Variants in BRF1 observed in about 807,000 individuals in gnomAD.
The protein encoded by BRF1 is transcription factor IIIB 90 kDa subunit.
Under a neutral mutation model 81.7 loss-of-function variants are expected in BRF1, and 59 were observed. The ratio of observed to expected loss-of-function variants is 0.72; its 90% CI spans 0.59 to 0.90. The LOEUF is 0.90. Ranked by LOEUF, BRF1 falls within the 40% of genes least tolerant of loss-of-function variation. The probability of loss-of-function intolerance (pLI) is 0.00; values close to 1 mark genes in which losing one functional copy is unlikely to be tolerated. For missense variants in BRF1, 1,050 were observed against 936.3 expected, an observed-to-expected ratio of 1.12 and a Z score of -1.58; for synonymous variants, 491 against 395.6, an observed-to-expected ratio of 1.24 and a Z score of -2.86.
rs587724399 is a variant in BRF1 at position 105,263,840 on chromosome 14, G to C, written c.440-7291C>G. Among the ~76,000 whole-genome samples, 39 of 151,796 alleles carry C rather than the reference G, an allele frequency of 2.6e-4. No homozygotes were observed. In the South Asian group the frequency reaches 3.7e-3, roughly 15 times the overall value. ...CTTGGGAGACTGAGGCAGGAGAATG[G>C]CATGAACCTGGGAGGCGGAGCTTGC... On this transcript the variant is annotated intron_variant, in intron 3 of 17. Coordinates refer to ENST00000547530, the MANE Select transcript of BRF1 (RefSeq NM_001519.4).
At chr14:105,215,199 TGA>T (rs1055706387) in intron 15 of BRF1, among the ~76,000 whole-genome samples, 6 of 150,386 alleles carry the variant, frequency 4.0e-5, no homozygotes, top group Non-Finnish European at 8.9e-5. Context: ...TGCACACAGT[TGA>T]GAGACTTAAG....
intron 1 of BRF1, among the ~76,000 whole-genome samples, chr14:105,287,514 G>A (rs1481193093): frequency 2.0e-5 from 3 of 152,212 alleles, no homozygotes; most frequent in Non-Finnish European, 2.9e-5. Context: ...ATCGGGACGC[G>A]CAGACAACCT....
chr14:105,283,081 C>A (rs1011304205), intron 2 of BRF1, among the ~76,000 whole-genome samples: 1 of 152,226 alleles, frequency 6.6e-6, no homozygotes, highest in African/African-American at 2.4e-5. Flanking sequence ...ACGTTAGGAT[C>A]TGCCTCACAG....
intron 5 of BRF1, among the ~76,000 whole-genome samples, chr14:105,251,349 A>G (rs909681518): frequency 3.9e-5 from 6 of 152,166 alleles, no homozygotes; most frequent in African/African-American, 1.2e-4. Context: ...GTCCTACCCT[A>G]TGAACAGACT....
At position 105,271,485 on chromosome 14, in the gene BRF1, A is replaced by C. The variant is rs1423923350; in HGVS notation, c.439+1236T>G. 6.6e-6 allele frequency among the ~76,000 whole-genome samples: 1 copy of C among 152,192 alleles called. No homozygotes were observed. Among genetic ancestry groups the C allele is most frequent in the Non-Finnish European group, 1.5e-5 (1 of 68,032 alleles). On this transcript the variant is annotated intron_variant, in intron 3 of 17. Coordinates refer to ENST00000547530, the MANE Select transcript of BRF1 (RefSeq NM_001519.4). The surrounding 1 kb of genome is among the most constrained non-coding windows in gnomAD (Gnocchi z 5.5). ...ACGCCACGCCCACCAGACACAGGGC[A>C]GGGAGGGGGACCACCTTCAGAGGGG...
At chr14:105,313,862 G>A (rs1303111482) in intron 1 of BRF1, among the ~76,000 whole-genome samples, 1 of 152,234 alleles carries the variant, frequency 6.6e-6, no homozygotes, top group Non-Finnish European at 1.5e-5. Flanking sequence ...CACCCTCCCT[G>A]AGCCCCAGAG....
rs1170606476 is a variant in BRF1 at position 105,248,555 on chromosome 14, CGGCGGGTACGGGCTCGGGCGGGCG to C, written c.544+3928_544+3951del. 25 of 485,364 alleles carry C rather than the reference CGGCGGGTACGGGCTCGGGCGGGCG, an allele frequency of 5.2e-5. No individual in the cohort carries two copies. The East Asian group carries it at 6.8e-4, about 13-fold the overall frequency. The allele number at this position is 485,364 out of a possible 1,614,324, so 30.1% of individuals were successfully genotyped here. On this transcript the variant is annotated intron_variant, in intron 5 of 17. Transcript: ENST00000547530. Reference sequence around the variant, plus strand: ...GACGCAGCGTGACGCACCGGCGCCGCGGCGGGTACGGGCTCGGGCGGGCGGGCGGGCGGGACGGCGCCCCCCGCG... The same window carrying C: ...GACGCAGCGTGACGCACCGGCGCCGCGGCGGGCGGGACGGCGCCCCCCGCG...
intron 5 of BRF1, chr14:105,247,200 CCA>C (rs886967125): frequency 3.0e-6 from 3 of 985,330 alleles, no homozygotes; most frequent in African/African-American, 3.5e-5. Flanking sequence ...GCGGGTGCAT[CCA>C]CACACTTTCT....
intron 2 of BRF1, among the ~76,000 whole-genome samples, chr14:105,280,971 A>G (rs1239826435): frequency 7.4e-6 from 1 of 135,292 alleles, no homozygotes; most frequent in Non-Finnish European, 1.6e-5. Flanking sequence ...GTGTGTGGAC[A>G]GAGCCTGCGT....
At chr14:105,218,968 A>G (rs900625794) in intron 14 of BRF1, 30 bp downstream of exon 14, 10 of 1,613,482 alleles carry the variant, frequency 6.2e-6, no homozygotes, top group South Asian at 1.1e-5. Flanking sequence ...CACCCCCAAG[A>G]AGGCCAGGCC....
chr14:105,211,361 A>C (rs878939539), intron 16 of BRF1, 68 bp from the exon 17 acceptor site: 3 of 1,389,624 alleles, frequency 2.2e-6, no homozygotes, highest in Middle Eastern at 2.5e-4. Context: ...GACCCCTCAG[A>C]CCCACCAGGG....
intron 5 of BRF1, among the ~76,000 whole-genome samples, chr14:105,243,269 A>T (rs28588570): frequency 0.27 from 39,651 of 147,934 alleles, 5,552 homozygotes; most frequent in Non-Finnish European, 0.29. Flanking sequence ...AGTGAAACCC[A>T]GTCTTTACTA....
At chr14:105,314,794 C>G (rs1354323291) in intron 1 of BRF1, 1 of 223,954 alleles carries the variant, frequency 4.5e-6, no homozygotes, top group Non-Finnish European at 7.3e-6. Context: ...GGGCCCGGCC[C>G]GTCCCCTCCG....
intron 1 of BRF1, among the ~76,000 whole-genome samples, chr14:105,289,163 A>C (rs587677289): frequency 4.5e-4 from 69 of 152,078 alleles, no homozygotes; most frequent in African/African-American, 1.6e-3. Context: ...CCTGGACAAC[A>C]TAGCAAGATC....
chr14:105,258,413 C>T (rs957970800), intron 3 of BRF1, among the ~76,000 whole-genome samples: 2 of 151,274 alleles, frequency 1.3e-5, no homozygotes, highest in Admixed American at 6.6e-5. Flanking sequence ...GGCGTGAACC[C>T]AGAAGGCGGA....
intron 5 of BRF1, chr14:105,250,633 C>T (rs1566836939): frequency 1.2e-6 from 2 of 1,613,124 alleles, no homozygotes; most frequent in Non-Finnish European, 1.7e-6. Flanking sequence ...GGACTGGGGT[C>T]CAGGGTGGGC....
At chr14:105,274,801 G>A (rs1262933308) in intron 2 of BRF1, among the ~76,000 whole-genome samples, 1 of 152,236 alleles carries the variant, frequency 6.6e-6, no homozygotes, top group Non-Finnish European at 1.5e-5. Context: ...GCTGTGTGGG[G>A]AGCACCTGAG....
In BRF1 at chr14:105,309,809, G is replaced by A. The variant is rs189792986; in HGVS notation, c.-162+5513C>T. 7.1e-4 allele frequency among the ~76,000 whole-genome samples: 97 copies of A among 137,572 alleles called. 1 individual carries two copies. The East Asian group carries it at 0.013, about 18-fold the overall frequency. 90.3% of individuals were successfully genotyped at this position (137,572 alleles called of 152,430 possible). On this transcript the variant is annotated intron_variant, in intron 1 of 17. Transcript: ENST00000327359. The surrounding 1 kb of genome is among the most constrained non-coding windows in gnomAD (Gnocchi z 4.0). ...TTTTTTTTTTTTTTTTTTTTTAGAC[G>A]GAGTCTCACTCTCTTGCCCAGGCAG...
chr14:105,252,599 A>T lies in BRF1; in HGVS notation c.472-20T>A. On this transcript the variant is annotated intron_variant, in intron 4 of 17. Coordinates refer to ENST00000547530, the MANE Select transcript of BRF1 (RefSeq NM_001519.4). ...ATTCACCTGAGATGGAGAGATCACA[A>T]CCAGAAACAGCATTGGTATTTAAGG... The T allele has an allele frequency of 6.2e-7, 1 of 1,606,134 alleles. No individual in the cohort carries two copies. Among genetic ancestry groups the T allele is most frequent in the Non-Finnish European group, 8.5e-7 (1 of 1,177,184 alleles).
Sources: allele counts gnomAD v4.1 joint callset (sites outside exome capture counted in the v4.1 genomes callset), GRCh38; gene constraint gnomAD v4.1.1; non-coding constraint Gnocchi (gnomAD v3.1); transcripts MANE v1.5; gene names NCBI Gene and HGNC (gene_info 2026-07-23, HGNC 2026-07-21).